The following C8orf34 variants were observed in gnomAD, a reference collection of about 807,000 sequenced individuals.
C8orf34 encodes the protein uncharacterized protein C8orf34.
C8orf34 carries 65 observed loss-of-function variants against 68.3 expected under a neutral mutation model. That is an observed-to-expected ratio of 0.95 (90% confidence interval 0.78 to 1.17). The LOEUF (loss-of-function observed/expected upper bound fraction) is 1.17, where lower values mean the gene tolerates loss of function less well. Ranked by LOEUF, C8orf34 falls within the 50% of genes most tolerant of loss-of-function variation. C8orf34 has a pLI of 0.00. For synonymous variants in C8orf34, 244 were observed against 241.2 expected, an observed-to-expected ratio of 1.01 and a Z score of -0.11; for missense variants, 664 against 655.4, an observed-to-expected ratio of 1.01 and a Z score of -0.14.
At chr8:68,620,846 T>C (rs1818369350) in intron 7 of C8orf34, among the ~76,000 whole-genome samples, 1 of 152,090 alleles carries the variant, frequency 6.6e-6, no homozygotes, top group African/African-American at 2.4e-5. Context: ...AGATTATTTC[T>C]AGAAAATAAA....
intron 4 of C8orf34, among the ~76,000 whole-genome samples, chr8:68,482,985 A>ATT (rs11448778): frequency 1.3e-5 from 2 of 152,062 alleles, no homozygotes; most frequent in East Asian, 1.9e-4. Context: ...TACAATTGGC[A>ATT]TTTTTTTCCA....
intron 7 of C8orf34, among the ~76,000 whole-genome samples, chr8:68,628,627 A>T (rs1306786149): frequency 6.6e-6 from 1 of 152,184 alleles, no homozygotes; most frequent in East Asian, 1.9e-4. Context: ...CAACAAACCA[A>T]TTGCAATTCA....
At position 68,733,571 on chromosome 8, in the gene C8orf34, GA is replaced by G. The variant is rs533048687; in HGVS notation, c.1404+12135del. ...TGTTCTAAAGCATGCCTTCTTATAT[GA>G]TTTTTTTTTTAAGAACAGGTTTAGC... is the stretch of plus-strand genomic sequence containing the variant. On this transcript the variant is annotated intron_variant, in intron 10 of 13. Coordinates refer to ENST00000518698, the MANE Select transcript of C8orf34 (RefSeq NM_052958.4). Among the ~76,000 whole-genome samples the G allele has an allele frequency of 3.1e-4, 47 of 152,042 alleles. 1 individual carries two copies. The highest frequency in any genetic ancestry group is 2.0e-3 in the Admixed American group (30 of 15,250).
At chr8:68,341,590 C>T (rs1402529339) in intron 1 of C8orf34, among the ~76,000 whole-genome samples, 1 of 152,012 alleles carries the variant, frequency 6.6e-6, no homozygotes, top group Non-Finnish European at 1.5e-5. Context: ...TGTTTGGGTC[C>T]TGGTGGCAGA....
At chr8:68,475,056 C>T (rs1484014278) in intron 4 of C8orf34, among the ~76,000 whole-genome samples, 1 of 152,150 alleles carries the variant, frequency 6.6e-6, no homozygotes, top group East Asian at 1.9e-4. Flanking sequence ...TCTCCAGTAC[C>T]ATTGCTTATG....
At chr8:68,542,435 C>G (rs1473837011) in intron 7 of C8orf34, among the ~76,000 whole-genome samples, 1 of 151,906 alleles carries the variant, frequency 6.6e-6, no homozygotes, top group Non-Finnish European at 1.5e-5. Flanking sequence ...CTTATCTTTT[C>G]TTTACGGACT....
rs549305924 is a variant in C8orf34, at chr8:68,588,850, T to G, written c.1106-51526T>G. On this transcript the variant is annotated intron_variant, in intron 7 of 13. Transcript: ENST00000518698. ...TGGGCTAGGTCAGAAGTCAGTAAACTTTTTCTGTAATGGATCAGTTAAATA... is the reference window on the plus strand; with the variant it reads ...TGGGCTAGGTCAGAAGTCAGTAAACGTTTTCTGTAATGGATCAGTTAAATA... Among the ~76,000 whole-genome samples the G allele has an allele frequency of 2.4e-4, 37 of 152,250 alleles. No individual in the cohort carries two copies. The East Asian group carries it at 6.8e-3, about 28-fold the overall frequency.
At chr8:68,624,068 C>T (rs1053619828) in intron 7 of C8orf34, among the ~76,000 whole-genome samples, 6 of 151,794 alleles carry the variant, frequency 4.0e-5, no homozygotes, top group East Asian at 1.9e-4. Context: ...GTCAGGAGTT[C>T]GAGACTAGCC....
chr8:68,561,509 C>A (rs1403843632), intron 7 of C8orf34, among the ~76,000 whole-genome samples: 1 of 152,158 alleles, frequency 6.6e-6, no homozygotes, highest in Non-Finnish European at 1.5e-5. Flanking sequence ...GTAATCCCAG[C>A]ACTTTGGGAG....
chr8:68,576,308 A>G (rs150585838), intron 7 of C8orf34, among the ~76,000 whole-genome samples: 2 of 148,636 alleles, frequency 1.3e-5, no homozygotes, highest in African/African-American at 2.6e-5. Context: ...GGGACTTCAA[A>G]TACTCTGTGG....
intron 10 of C8orf34, among the ~76,000 whole-genome samples, chr8:68,773,475 A>G (rs1359951224): frequency 6.6e-6 from 1 of 151,804 alleles, no homozygotes; most frequent in African/African-American, 2.4e-5. Flanking sequence ...ATCTCGGCTC[A>G]CTGCAACCTC....
chr8:68,467,184 C>T (rs1812185484), intron 3 of C8orf34, among the ~76,000 whole-genome samples: 1 of 151,900 alleles, frequency 6.6e-6, no homozygotes, highest in Non-Finnish European at 1.5e-5. Context: ...CTCATCCTGG[C>T]CCTATAGTAA....
chr8:68,452,302 A>G (rs944804088), intron 3 of C8orf34, among the ~76,000 whole-genome samples: 4 of 151,368 alleles, frequency 2.6e-5, no homozygotes, highest in Non-Finnish European at 5.9e-5. Context: ...TGATAATTCT[A>G]TGTGTAACTT....
intron 7 of C8orf34, among the ~76,000 whole-genome samples, chr8:68,640,111 G>A (rs940292449): frequency 6.6e-6 from 1 of 152,076 alleles, no homozygotes; most frequent in Non-Finnish European, 1.5e-5. Flanking sequence ...GTGTGTCAGT[G>A]GTCTGTGGTC....
chr8:68,737,079 T>C (rs1344240878), intron 10 of C8orf34, among the ~76,000 whole-genome samples: 1 of 152,112 alleles, frequency 6.6e-6, no homozygotes, highest in Non-Finnish European at 1.5e-5. Context: ...TAGGATTTAG[T>C]TTAACTCAGG....
intron 5 of C8orf34, among the ~76,000 whole-genome samples, chr8:68,498,496 G>A (rs890365373): frequency 6.6e-6 from 1 of 152,140 alleles, no homozygotes; most frequent in Non-Finnish European, 1.5e-5. Context: ...GTCTCTAGTG[G>A]GAGGTACTCT....
chr8:68,401,000 G>A (rs1355356824), intron 1 of C8orf34, among the ~76,000 whole-genome samples: 1 of 151,924 alleles, frequency 6.6e-6, no homozygotes, highest in African/African-American at 2.4e-5. Flanking sequence ...GATTCTTTTG[G>A]TCCATGAGCA....
At chr8:68,581,897 A>G (rs1188679155) in intron 7 of C8orf34, among the ~76,000 whole-genome samples, 1 of 152,164 alleles carries the variant, frequency 6.6e-6, no homozygotes, top group East Asian at 1.9e-4. Context: ...AGTCTCAGTA[A>G]AGTAGTTCTA....
At chr8:68,442,549 C>A (rs538613620) in intron 2 of C8orf34, among the ~76,000 whole-genome samples, 7 of 152,116 alleles carry the variant, frequency 4.6e-5, no homozygotes, top group African/African-American at 1.7e-4. Context: ...AAGCAGAGAG[C>A]AAGTGGATGG....
Sources: gnomAD v4.1 joint callset for allele counts (sites outside exome capture counted in the v4.1 genomes callset) on GRCh38, gnomAD v4.1.1 for gene constraint, MANE v1.5 for transcripts, NCBI Gene and HGNC (gene_info 2026-07-23, HGNC 2026-07-21) for gene names.